PDSS2: variants seen among roughly 807,000 people sequenced by gnomAD.
The protein encoded by PDSS2 is all trans-polyprenyl-diphosphate synthase PDSS2.
PDSS2 carries 31 observed loss-of-function variants against 44.5 expected under a neutral mutation model. That is an observed-to-expected ratio of 0.70 (90% confidence interval 0.52 to 0.94). The LOEUF is 0.94. Among genes scored for constraint, PDSS2 ranks in the 40% least tolerant of loss-of-function variants. The pLI is 0.00. For missense variants in PDSS2, 452 were observed against 482.2 expected (o/e 0.94, Z 0.59); for synonymous variants, 157 against 180.3 (o/e 0.87, Z 1.03).
At chr6:107,268,667 T>C (rs1775489601) in intron 3 of PDSS2, among the ~76,000 whole-genome samples, 1 of 152,176 alleles carries the variant, frequency 6.6e-6, no homozygotes, top group African/African-American at 2.4e-5. Context: ...CTGAAGAATG[T>C]GTTCATTAAA....
chr6:107,385,300 T>A (rs1583020197), intron 1 of PDSS2, among the ~76,000 whole-genome samples: 1 of 150,970 alleles, frequency 6.6e-6, no homozygotes, highest in South Asian at 2.1e-4. Context: ...GGAGTTTGAA[T>A]CCAGCCTGTG....
chr6:107,190,953 G>T (rs1347883013), intron 7 of PDSS2, among the ~76,000 whole-genome samples: 1 of 151,978 alleles, frequency 6.6e-6, no homozygotes, highest in Non-Finnish European at 1.5e-5. Flanking sequence ...GTGCAGTGGC[G>T]TGATCTCGGC....
chr6:107,373,217 C>T (rs1472886037), intron 1 of PDSS2, among the ~76,000 whole-genome samples: 1 of 152,030 alleles, frequency 6.6e-6, no homozygotes, highest in Non-Finnish European at 1.5e-5. Flanking sequence ...GATCTCTTGA[C>T]CTCATGATCC....
chr6:107,279,594 G>T (rs73509198), intron 2 of PDSS2, among the ~76,000 whole-genome samples: 3,066 of 152,102 alleles, frequency 0.02, 109 homozygotes, highest in African/African-American at 0.071. Context: ...GAAAGGAGGG[G>T]GACTGGAGCA....
At chr6:107,446,858 A>T (rs1221689548) in intron 1 of PDSS2, among the ~76,000 whole-genome samples, 2 of 151,772 alleles carry the variant, frequency 1.3e-5, no homozygotes, top group Non-Finnish European at 2.9e-5. Flanking sequence ...TCAAGATGAG[A>T]TTTAGGTGAG....
chr6:107,395,093 T>C (rs1390381212), intron 1 of PDSS2, among the ~76,000 whole-genome samples: 1 of 152,110 alleles, frequency 6.6e-6, no homozygotes, highest in African/African-American at 2.4e-5. Flanking sequence ...TTGTTTTTCC[T>C]CTCAACACTT....
rs76962353 is a variant in PDSS2, at chr6:107,339,768, C to A, written c.297-5436G>T. Among the ~76,000 whole-genome samples the A allele has an allele frequency of 0.013, 1,997 of 152,104 alleles. 122 individuals are homozygous for A. The East Asian group carries it at 0.2, about 15-fold the overall frequency. ...TTGCAGCACAAGGAGGGGCATATGC[C>A]AGGCTGAGAGCACTGTATGAAGTGA... On this transcript the variant is annotated intron_variant, in intron 1 of 7. Transcript: ENST00000369037.
intron 7 of PDSS2, among the ~76,000 whole-genome samples, chr6:107,162,656 A>G (rs1169689377): frequency 5.7e-5 from 7 of 122,108 alleles, no homozygotes; most frequent in African/African-American, 9.8e-5. Flanking sequence ...CACTCAGGCT[A>G]GAGTGCAGTG....
chr6:107,416,556 T>C (rs962773485), intron 1 of PDSS2, among the ~76,000 whole-genome samples: 5 of 152,216 alleles, frequency 3.3e-5, no homozygotes, highest in Admixed American at 3.3e-4. Context: ...CATGAACACA[T>C]AACATGACAG....
chr6:107,316,704 C>T (rs1395787133), intron 2 of PDSS2, among the ~76,000 whole-genome samples: 1 of 152,108 alleles, frequency 6.6e-6, no homozygotes, highest in Non-Finnish European at 1.5e-5. Context: ...GCCGTTCTCC[C>T]TTCCTCAACA....
At chr6:107,373,707 T>C (rs1324254054) in intron 1 of PDSS2, among the ~76,000 whole-genome samples, 1 of 152,190 alleles carries the variant, frequency 6.6e-6, no homozygotes, top group Non-Finnish European at 1.5e-5. Flanking sequence ...AAGGACCTGA[T>C]TGGAATTAAC....
intron 1 of PDSS2, among the ~76,000 whole-genome samples, chr6:107,343,754 C>A (rs1778151943): frequency 6.6e-6 from 1 of 152,070 alleles, no homozygotes; most frequent in African/African-American, 2.4e-5. Context: ...AAAAGGTTAA[C>A]ATTTTAAACC....
intron 1 of PDSS2, among the ~76,000 whole-genome samples, chr6:107,366,701 C>T (rs1463688575): frequency 6.6e-6 from 1 of 151,970 alleles, no homozygotes; most frequent in Non-Finnish European, 1.5e-5. Context: ...ATGAACATTA[C>T]TCTATGCCAA....
chr6:107,247,912 C>T (rs1014772446), intron 3 of PDSS2, among the ~76,000 whole-genome samples: 14 of 150,494 alleles, frequency 9.3e-5, no homozygotes, highest in South Asian at 2.1e-4. Flanking sequence ...CCAATTACTC[C>T]GGAGGCTGAG....
At chr6:107,281,289 G>A (rs1775951791) in intron 2 of PDSS2, among the ~76,000 whole-genome samples, 1 of 152,108 alleles carries the variant, frequency 6.6e-6, no homozygotes, top group Admixed American at 6.5e-5. Flanking sequence ...GCTGACTTGA[G>A]GGCTGCATCA....
chr6:107,284,691 T>C (rs974240991), intron 2 of PDSS2, among the ~76,000 whole-genome samples: 2 of 150,324 alleles, frequency 1.3e-5, no homozygotes, highest in Non-Finnish European at 3.0e-5. Context: ...TTGTTAACCA[T>C]AGTTAACCTT....
intron 3 of PDSS2, among the ~76,000 whole-genome samples, chr6:107,260,237 C>T (rs1350863081): frequency 6.6e-6 from 1 of 152,154 alleles, no homozygotes; most frequent in Admixed American, 6.5e-5. Flanking sequence ...TCCAGTAGGT[C>T]ATTAGCTGCC....
intron 1 of PDSS2, among the ~76,000 whole-genome samples, chr6:107,405,969 T>G (rs1185636969): frequency 3.3e-5 from 5 of 152,168 alleles, no homozygotes; most frequent in Admixed American, 1.3e-4. Context: ...TTACAGGTGA[T>G]GGTTATACCA....
intron 2 of PDSS2, among the ~76,000 whole-genome samples, chr6:107,319,177 GT>G (rs1477082200): frequency 6.6e-6 from 1 of 152,068 alleles, no homozygotes; most frequent in African/African-American, 2.4e-5. Flanking sequence ...AATTAAACAT[GT>G]TTTTTGAATG....
Sources: gnomAD v4.1 joint callset for allele counts (sites outside exome capture counted in the v4.1 genomes callset) on GRCh38, gnomAD v4.1.1 for gene constraint, MANE v1.5 for transcripts, NCBI Gene and HGNC (gene_info 2026-07-23, HGNC 2026-07-21) for gene names.